The following RBMS2 variants were observed in gnomAD, a reference collection of about 807,000 sequenced individuals.
RBMS2 encodes RNA binding motif single stranded interacting protein 2.
Under a neutral mutation model 58.4 loss-of-function variants are expected in RBMS2, and 38 were observed. The ratio of observed to expected loss-of-function variants is 0.65; its 90% CI spans 0.50 to 0.85. The LOEUF is 0.85. RBMS2 is among the 40% of genes least tolerant of loss of function. The pLI is 0.00. For synonymous variants in RBMS2, 151 were observed against 180.7 expected (o/e 0.84, Z 1.32); for missense variants, 367 against 503.7 (o/e 0.73, Z 2.60).
At chr12:56,544,919 A>G (rs28697089) in intron 1 of RBMS2, among the ~76,000 whole-genome samples, 52,789 of 151,618 alleles carry the variant, frequency 0.35, 9,378 homozygotes, top group South Asian at 0.52. Flanking sequence ...TAAACTATGT[A>G]TTTAAATTTC....
At chr12:56,521,512 T>G (rs1871725863), upstream of RBMS2, among the ~76,000 whole-genome samples, 1 of 146,724 alleles carries the variant, frequency 6.8e-6, no homozygotes. Context: ...GTTTTTTTTT[T>G]TTTTTTTTTT....
At chr12:56,559,709 G>A (rs1880003175) in intron 1 of RBMS2, among the ~76,000 whole-genome samples, 1 of 150,130 alleles carries the variant, frequency 6.7e-6, no homozygotes, top group African/African-American at 2.4e-5. Context: ...AAATTAGCCA[G>A]GCGTGGTGGC....
chr12:56,562,904 C>T (rs954541646), intron 2 of RBMS2, among the ~76,000 whole-genome samples: 4 of 152,112 alleles, frequency 2.6e-5, no homozygotes, highest in Non-Finnish European at 5.9e-5. Context: ...GGGCGGATCA[C>T]GAGGTCAGGA....
intron 4 of RBMS2, among the ~76,000 whole-genome samples, chr12:56,570,567 CTATTT>C (rs1882116737): frequency 1.3e-5 from 2 of 152,072 alleles, no homozygotes; most frequent in African/African-American, 4.8e-5. Context: ...CCTTGCCTTT[CTATTT>C]TATTTTATTT....
At chr12:56,560,140 C>T (rs1592420014) in intron 1 of RBMS2, among the ~76,000 whole-genome samples, 1 of 152,144 alleles carries the variant, frequency 6.6e-6, no homozygotes, top group Non-Finnish European at 1.5e-5. Context: ...AATGATCCAC[C>T]CGCCTCGGCC....
At chr12:56,553,086 T>G (rs1303444037) in intron 1 of RBMS2, among the ~76,000 whole-genome samples, 1 of 151,174 alleles carries the variant, frequency 6.6e-6, no homozygotes, top group African/African-American at 2.4e-5. Flanking sequence ...CCAGCTAATT[T>G]TTGTATTTTT....
rs1350388830 is a variant in RBMS2, at chr12:56,591,023, C to G, written c.*1890C>G. 3.3e-5 allele frequency: 5 copies of G among 152,312 alleles called. No individual in the cohort carries two copies. In the East Asian group the frequency reaches 7.7e-4, roughly 24 times the overall value. The allele number at this position is 152,312 out of a possible 1,614,324, so 9.4% of individuals were successfully genotyped here. On this transcript the variant is annotated 3_prime_UTR_variant, in exon 14 of 14. Coordinates refer to ENST00000262031, the MANE Select transcript of RBMS2 (RefSeq NM_002898.4). ...CTGTCCCCTTCTGCAAGATGTGACT[C>G]TATACACATGGAGACAGATTGAAGA...
chr12:56,558,931 A>G (rs1277754507), intron 1 of RBMS2, among the ~76,000 whole-genome samples: 4 of 151,586 alleles, frequency 2.6e-5, no homozygotes, highest in South Asian at 4.2e-4. Flanking sequence ...GGGTCTCACT[A>G]TGTTGCTCAG....
intron 2 of RBMS2, among the ~76,000 whole-genome samples, chr12:56,566,411 T>C (rs1881352258): frequency 6.6e-6 from 1 of 152,224 alleles, no homozygotes; most frequent in Admixed American, 6.5e-5. Flanking sequence ...GTAGAGGCTT[T>C]TTTCTAGTGG....
chr12:56,529,650 T>G (rs1461745694), intron 1 of RBMS2, among the ~76,000 whole-genome samples: 2 of 152,092 alleles, frequency 1.3e-5, no homozygotes, highest in Admixed American at 1.3e-4. Flanking sequence ...TGATACATGC[T>G]AAATGTGGAT....
intron 8 of RBMS2, 65 bp from the exon 9 acceptor site, chr12:56,581,994 A>G (rs1041939802): frequency 5.1e-6 from 8 of 1,568,300 alleles, no homozygotes; most frequent in East Asian, 2.2e-5. Flanking sequence ...GGCTGTGCCT[A>G]TCAGTTGGGA....
chr12:56,562,350 G>T, intron 1 of RBMS2, 67 bp from the exon 2 acceptor site: 1 of 1,452,472 alleles, frequency 6.9e-7, no homozygotes, highest in South Asian at 1.2e-5. Context: ...AAGAGGTCCA[G>T]GATCTTCCTC....
rs149940477 is a variant in RBMS2, at chr12:56,544,857, G to A, written c.67-17560G>A. On this transcript the variant is annotated intron_variant, in intron 1 of 13. Coordinates refer to ENST00000262031, the MANE Select transcript of RBMS2 (RefSeq NM_002898.4). Reference sequence around the variant, plus strand: ...AATCCACCTGCCTCACACTACCAAAGTGTTAAGATTCTAGGCATGAGGCAC... The same window carrying A: ...AATCCACCTGCCTCACACTACCAAAATGTTAAGATTCTAGGCATGAGGCAC... 8.5e-4 allele frequency among the ~76,000 whole-genome samples: 121 copies of A among 142,172 alleles called. 1 individual carries two copies. Among genetic ancestry groups the A allele is most frequent in the African/African-American group, 2.8e-3 (109 of 38,728 alleles). The allele number at this position is 142,172 out of a possible 152,430, so 93.3% of individuals were successfully genotyped here.
chr12:56,561,053 A>G (rs1444367315), intron 1 of RBMS2, among the ~76,000 whole-genome samples: 2 of 152,166 alleles, frequency 1.3e-5, no homozygotes, highest in African/African-American at 4.8e-5. Flanking sequence ...TGCTAAGGAT[A>G]ATGGCCTCCA....
At chr12:56,523,993 A>G (rs1872208587) in intron 1 of RBMS2, among the ~76,000 whole-genome samples, 1 of 152,216 alleles carries the variant, frequency 6.6e-6, no homozygotes, top group Non-Finnish European at 1.5e-5. Flanking sequence ...CAGGTTACCC[A>G]GAACTCATTA....
intron 5 of RBMS2, among the ~76,000 whole-genome samples, chr12:56,575,700 G>C (rs1210463877): frequency 6.6e-6 from 1 of 151,988 alleles, no homozygotes; most frequent in Admixed American, 6.6e-5. Context: ...TTCGAGACCA[G>C]CCTGACCAAC....
intron 1 of RBMS2, among the ~76,000 whole-genome samples, chr12:56,529,693 C>T (rs1873349130): frequency 6.6e-6 from 1 of 152,152 alleles, no homozygotes; most frequent in Non-Finnish European, 1.5e-5. Flanking sequence ...ATGAAAGAAG[C>T]CAGTCATAAG....
intron 1 of RBMS2, among the ~76,000 whole-genome samples, chr12:56,531,185 G>A (rs546227573): frequency 2.0e-5 from 3 of 152,120 alleles, no homozygotes; most frequent in Non-Finnish European, 2.9e-5. Flanking sequence ...CATTGCTAGA[G>A]TGTAAGCTCT....
At chr12:56,575,506 G>A (rs1882978532) in intron 5 of RBMS2, among the ~76,000 whole-genome samples, 1 of 151,842 alleles carries the variant, frequency 6.6e-6, no homozygotes, top group Non-Finnish European at 1.5e-5. Context: ...CCTGGGGATG[G>A]AGCTATGGGC....
Sources: allele counts gnomAD v4.1 joint callset (sites outside exome capture counted in the v4.1 genomes callset), GRCh38; gene constraint gnomAD v4.1.1; transcripts MANE v1.5; gene names NCBI Gene and HGNC (gene_info 2026-07-23, HGNC 2026-07-21).